The following ANKS1B variants were observed in gnomAD, a reference collection of about 807,000 sequenced individuals.
ANKS1B encodes ankyrin repeat and sterile alpha motif domain containing 1B, also known as ankyrin repeat and sterile alpha motif domain-containing protein 1B.
A neutral mutation model predicts 148.3 loss-of-function variants in ANKS1B; 36 were observed. That is an observed-to-expected ratio of 0.24 (90% CI 0.19 to 0.32). The LOEUF is 0.32. Among genes scored for constraint, ANKS1B ranks in the 10% least tolerant of loss-of-function variants. The pLI, the probability that ANKS1B is intolerant of heterozygous loss-of-function variation, is 1.00. For missense variants in ANKS1B, 1,157 were observed against 1,542.6 expected (o/e 0.75, Z 4.19); for synonymous variants, 542 against 560.8 (o/e 0.97, Z 0.47).
At chr12:99,707,381 A>T (rs1289848940) in intron 8 of ANKS1B, among the ~76,000 whole-genome samples, 1 of 152,122 alleles carries the variant, frequency 6.6e-6, no homozygotes, top group Non-Finnish European at 1.5e-5. Flanking sequence ...TATCTTTAGC[A>T]GTGCCAATCA....
chr12:99,866,191 T>C (rs1318775515), intron 1 of ANKS1B, among the ~76,000 whole-genome samples: 3 of 152,208 alleles, frequency 2.0e-5, no homozygotes, highest in Admixed American at 6.5e-5. Context: ...TTGGTTCCTA[T>C]TGTTGGCAGC....
At chr12:99,881,071 A>T (rs2092450032) in intron 1 of ANKS1B, among the ~76,000 whole-genome samples, 1 of 152,220 alleles carries the variant, frequency 6.6e-6, no homozygotes, top group African/African-American at 2.4e-5. Flanking sequence ...AAGTATCAGC[A>T]GTGCGTTTCT....
chr12:98,995,100 A>C (rs1465695931), intron 17 of ANKS1B, among the ~76,000 whole-genome samples: 1 of 152,218 alleles, frequency 6.6e-6, no homozygotes, highest in African/African-American at 2.4e-5. Flanking sequence ...TGTTTCAAAA[A>C]TATTTCTTGA....
intron 1 of ANKS1B, among the ~76,000 whole-genome samples, chr12:99,878,847 T>C (rs2092304802): frequency 6.6e-6 from 1 of 152,106 alleles, no homozygotes. Flanking sequence ...TTTTATTTTA[T>C]GGTTGCAAAA....
At chr12:99,741,093 A>C (rs74962063) in intron 8 of ANKS1B, among the ~76,000 whole-genome samples, 4,276 of 152,038 alleles carry the variant, frequency 0.028, 202 homozygotes, top group African/African-American at 0.098. Flanking sequence ...ATGTAATCCC[A>C]GCTACTCGGG....
intron 15 of ANKS1B, among the ~76,000 whole-genome samples, chr12:99,098,499 G>A (rs770969983): frequency 2.0e-5 from 3 of 151,902 alleles, no homozygotes; most frequent in Non-Finnish European, 2.9e-5. Context: ...TTCTTTGTCC[G>A]TACAATGGGG....
intron 10 of ANKS1B, among the ~76,000 whole-genome samples, chr12:99,464,708 T>A (rs916394102): frequency 6.6e-6 from 1 of 151,908 alleles, no homozygotes; most frequent in African/African-American, 2.4e-5. Context: ...GAAGATGAAA[T>A]GAATGAAATG....
chr12:99,064,669 C>A (rs1208264367), intron 16 of ANKS1B, among the ~76,000 whole-genome samples: 1 of 152,182 alleles, frequency 6.6e-6, no homozygotes, highest in East Asian at 1.9e-4. Flanking sequence ...TTCATCTGTG[C>A]CCAGGGAGAT....
At chr12:98,737,033 T>C (rs912819261) in intron 9 of ANKS1B, among the ~76,000 whole-genome samples, 3 of 152,144 alleles carry the variant, frequency 2.0e-5, no homozygotes, top group Non-Finnish European at 4.4e-5. Flanking sequence ...TCCCTCCAGA[T>C]TGTTGTAGGA....
chr12:99,935,935 G>A (rs1056772175), intron 1 of ANKS1B, among the ~76,000 whole-genome samples: 7 of 152,076 alleles, frequency 4.6e-5, no homozygotes, highest in Admixed American at 6.5e-5. Flanking sequence ...TCACAGTTCC[G>A]CATGGCTGAG....
chr12:99,617,807 TAA>T (rs36091720), intron 9 of ANKS1B, among the ~76,000 whole-genome samples: 1 of 147,858 alleles, frequency 6.8e-6, no homozygotes, highest in Admixed American at 6.7e-5. Flanking sequence ...AAGTAAGATT[TAA>T]AAAAAAAAAC....
chr12:99,280,286 A>G (rs2078243568), intron 12 of ANKS1B, among the ~76,000 whole-genome samples: 1 of 152,156 alleles, frequency 6.6e-6, no homozygotes, highest in Non-Finnish European at 1.5e-5. Flanking sequence ...GTGAGTAGAC[A>G]TGCAGCTATA....
rs114906515 is a variant in ANKS1B at position 98,749,403 on chromosome 12, G to A, written c.3747+1952C>T. On this transcript the variant is annotated intron_variant, in intron 26 of 26. Transcript: ENST00000683438. ...ATTACAGGCGTGAGCCACCGTGCCC[G>A]GCCCAAAACTTAGATTTTTGTGGAG... Among the ~76,000 whole-genome samples the A allele has an allele frequency of 5.8e-3, 888 of 152,112 alleles. 10 individuals are homozygous for A. The highest frequency in any genetic ancestry group is 0.02 in the African/African-American group (845 of 41,470).
chr12:99,064,538 G>A (rs1410985647), intron 16 of ANKS1B, among the ~76,000 whole-genome samples: 1 of 152,200 alleles, frequency 6.6e-6, no homozygotes, highest in African/African-American at 2.4e-5. Context: ...TGCCAATGCA[G>A]CCAAGTTCTA....
rs755137088 is a variant in ANKS1B, at chr12:99,154,445, G to C, written c.2420-50C>G. ...GTTTAAGCAGGGAGTAGCCGTCCAC[G>C]GGGTAATAGCGGTAGTCCTGGGCTG... On this transcript the variant is annotated intron_variant, in intron 14 of 26. Coordinates refer to ENST00000683438, the MANE Select transcript of ANKS1B (RefSeq NM_001352186.2). 7 of 1,613,506 alleles carry C rather than the reference G, an allele frequency of 4.3e-6. No homozygotes were observed. In the South Asian group the frequency reaches 5.5e-5, roughly 13 times the overall value.
At chr12:99,455,236 C>T (rs1420992530) in intron 10 of ANKS1B, among the ~76,000 whole-genome samples, 1 of 152,124 alleles carries the variant, frequency 6.6e-6, no homozygotes. Flanking sequence ...GGCCAGAACC[C>T]CTACTAAGTA....
chr12:99,628,721 T>C (rs543498633), intron 9 of ANKS1B, among the ~76,000 whole-genome samples: 3 of 152,132 alleles, frequency 2.0e-5, no homozygotes, highest in Non-Finnish European at 4.4e-5. Flanking sequence ...CCCAATCTTG[T>C]GAGGGCCTTC....
chr12:99,033,488 T>G (rs751318118), intron 17 of ANKS1B, among the ~76,000 whole-genome samples: 1 of 152,050 alleles, frequency 6.6e-6, no homozygotes, highest in Non-Finnish European at 1.5e-5. Flanking sequence ...CAAATCAATT[T>G]ATAGAAGTAA....
intron 17 of ANKS1B, among the ~76,000 whole-genome samples, chr12:98,836,930 T>G (rs2099367084): frequency 6.6e-6 from 1 of 152,154 alleles, no homozygotes; most frequent in Non-Finnish European, 1.5e-5. Flanking sequence ...CTTACAATAT[T>G]GGAGAGATCA....
Sources: allele counts gnomAD v4.1 joint callset (sites outside exome capture counted in the v4.1 genomes callset), GRCh38; gene constraint gnomAD v4.1.1; transcripts MANE v1.5; gene names NCBI Gene and HGNC (gene_info 2026-07-23, HGNC 2026-07-21).